The following PPEF2 variants were observed in gnomAD, a reference collection of about 807,000 sequenced individuals.
PPEF2 encodes the protein protein phosphatase with EF-hand domain 2.
In PPEF2, 84 loss-of-function variants were observed where a neutral mutation model predicts 84.7. The observed-to-expected ratio is 0.99, with a 90% CI of 0.83 to 1.19. PPEF2 has a LOEUF of 1.19. PPEF2 is among the 50% of genes most tolerant of loss of function. The probability of loss-of-function intolerance (pLI) is 0.00; values close to 1 mark genes in which losing one functional copy is unlikely to be tolerated. For missense variants in PPEF2, 924 were observed against 937.5 expected (o/e 0.99, Z 0.19); for synonymous variants, 346 against 345.2 (o/e 1.00, Z -0.03).
At position 75,860,539 on chromosome 4, in the gene PPEF2, G is replaced by A. The variant is rs1723970138; in HGVS notation, c.*128C>T. 1 of 1,242,138 alleles carries A rather than the reference G, an allele frequency of 8.1e-7. No individual in the cohort carries two copies. Among genetic ancestry groups the A allele is most frequent in the African/African-American group, 1.5e-5 (1 of 66,704 alleles). The allele number at this position is 1,242,138 out of a possible 1,614,324, so 76.9% of individuals were successfully genotyped here. On this transcript the variant is annotated 3_prime_UTR_variant, in exon 17 of 17. Transcript: ENST00000286719. ...CACCCCTCCACACTGAAATACACAG[G>A]TGATTCTGATGCATATGGATAGGTA...
chr4:75,891,510 G>T lies in PPEF2; in HGVS notation c.241+138C>A, dbSNP rs976735351. 8.8e-6 allele frequency: 8 copies of T among 913,524 alleles called. No homozygotes were observed. In the Admixed American group the frequency reaches 1.3e-4, roughly 14 times the overall value. 56.6% of individuals were successfully genotyped at this position (913,524 alleles called of 1,614,324 possible). A position where few individuals can be genotyped will look rare whatever the true frequency, so the allele number is the denominator to read the frequency against. ...AGAACCTGGCATAAAACCCCAGTCT[G>T]CCATTTACTCCTCAGCCCCTTGCTT... On this transcript the variant is annotated intron_variant, in intron 4 of 16. Coordinates refer to ENST00000286719, the MANE Select transcript of PPEF2 (RefSeq NM_006239.3).
intron 11 of PPEF2, 121 bp from the exon 12 acceptor site, chr4:75,873,433 A>T: frequency 1.1e-6 from 1 of 925,036 alleles, no homozygotes; most frequent in Non-Finnish European, 1.6e-6. Context: ...ATAAATGTCC[A>T]TGCAAGCAAT....
intron 5 of PPEF2, among the ~76,000 whole-genome samples, chr4:75,889,359 G>A (rs1348100607): frequency 6.6e-6 from 1 of 152,200 alleles, no homozygotes; most frequent in Admixed American, 6.5e-5. Context: ...GCCTCCCGAG[G>A]TTCGTGAACA....
intron 10 of PPEF2, among the ~76,000 whole-genome samples, chr4:75,882,487 G>T (rs943446313): frequency 1.3e-5 from 2 of 151,528 alleles, no homozygotes; most frequent in African/African-American, 4.8e-5. Context: ...TGGTAGACAT[G>T]ACTAAGTGAC....
chr4:75,877,740 A>G lies in PPEF2; in HGVS notation c.934-1067T>C, dbSNP rs139616068. 1.0e-3 allele frequency among the ~76,000 whole-genome samples: 159 copies of G among 152,010 alleles called. 1 individual carries two copies. The highest frequency in any genetic ancestry group is 3.8e-3 in the African/African-American group (156 of 41,472). ...GAAGGTTTTTTACATAGGTACACAC[A>G]TGTCACAGGGGGTTGTTTTACATAT... is the stretch of plus-strand genomic sequence containing the variant. On this transcript the variant is annotated intron_variant, in intron 10 of 16. Coordinates refer to ENST00000286719, the MANE Select transcript of PPEF2 (RefSeq NM_006239.3).
intron 2 of PPEF2, among the ~76,000 whole-genome samples, chr4:75,893,974 C>T (rs963335449): frequency 1.3e-5 from 2 of 152,076 alleles, no homozygotes; most frequent in African/African-American, 4.8e-5. Context: ...ATCCTTTATC[C>T]CATCATGTAT....
In PPEF2 at chr4:75,888,288, G is replaced by T. The variant is rs201676899; in HGVS notation, c.458C>A (p.Thr153Asn). The change falls in exon 6 of 17, where the codon ACC (threonine) becomes AAC (asparagine). Residue 153 changes from threonine to asparagine, a missense_variant. By Grantham distance (65) the Thr-to-Asn change is moderately conservative. Transcript: ENST00000286719. The stretch of plus-strand genomic sequence containing the variant: ...TGGCAGCTGTACCAGATGTTTCTTG[G>T]TTTCATACAAAAGGTTCAAGACGTA... ...ARYVLNLLYE[T>N]KKHLVQLPNI... 1 of 1,614,026 alleles carries T rather than the reference G, an allele frequency of 6.2e-7. No individual in the cohort carries two copies. Among genetic ancestry groups the T allele is most frequent in the Non-Finnish European group, 8.5e-7 (1 of 1,179,948 alleles).
At chr4:75,896,564 C>G (rs771949926) in intron 1 of PPEF2, among the ~76,000 whole-genome samples, 181 bp from the exon 2 acceptor site, 25 of 152,204 alleles carry the variant, frequency 1.6e-4, no homozygotes, top group Non-Finnish European at 3.2e-4. Flanking sequence ...CGTTTTCAAC[C>G]TTTCCACTGC....
intron 6 of PPEF2, among the ~76,000 whole-genome samples, chr4:75,887,191 G>A (rs1372902526): frequency 6.6e-6 from 1 of 152,220 alleles, no homozygotes; most frequent in Non-Finnish European, 1.5e-5. Context: ...GAGAACTGGA[G>A]AGATTTTGCC....
intron 16 of PPEF2, among the ~76,000 whole-genome samples, chr4:75,861,766 CT>C (rs1184079734): frequency 7.2e-5 from 10 of 139,644 alleles, no homozygotes; most frequent in Non-Finnish European, 4.6e-5. Flanking sequence ...CCCGCCACCA[CT>C]CCCGGCTAAT....
At chr4:75,887,692 C>G (rs1411261744) in intron 6 of PPEF2, among the ~76,000 whole-genome samples, 1 of 151,870 alleles carries the variant, frequency 6.6e-6, no homozygotes, top group African/African-American at 2.4e-5. Context: ...GCAGGTGACC[C>G]TAGCAGGGCC....
intron 1 of PPEF2, among the ~76,000 whole-genome samples, chr4:75,900,547 C>A (rs1725096437): frequency 6.6e-6 from 1 of 152,140 alleles, no homozygotes; most frequent in South Asian, 2.1e-4. Context: ...GTGATCCCTG[C>A]CTTGGGGCTC....
chr4:75,891,274 T>C (rs1280308745), intron 4 of PPEF2, among the ~76,000 whole-genome samples: 1 of 152,046 alleles, frequency 6.6e-6, no homozygotes, highest in Non-Finnish European at 1.5e-5. Context: ...ACTCCTGGAG[T>C]TGACACAGAA....
chr4:75,866,224 G>C lies in PPEF2; in HGVS notation c.1885C>G (p.Leu629Val), dbSNP rs1412268282. Residue 629 changes from leucine to valine, a missense_variant, in exon 15 of 17, where the codon CTG (leucine) becomes GTG (valine). Transcript: ENST00000286719. Reference sequence around the variant, plus strand: ...AGTTGTTCCTTGGCCAAGTTCTTCAGCCAAGACTTGTACTCCAGCATGTTG... The same window carrying C: ...AGTTGTTCCTTGGCCAAGTTCTTCACCCAAGACTTGTACTCCAGCATGTTG... ...ADNMLEYKSW[L>V]KNLAKEQLSR... 3 of 1,613,878 alleles carry C rather than the reference G, an allele frequency of 1.9e-6. No homozygotes were observed. The African/African-American group carries it at 4.0e-5, about 22-fold the overall frequency.
In PPEF2 at chr4:75,891,833, T is replaced by C; in HGVS notation, c.183+18A>G. ...CAAGGGAGAGCAGGAGGCGGCTCCG[T>C]CCCACATCTCATTGTACCTTGACTT... On this transcript the variant is annotated intron_variant, in intron 3 of 16. Coordinates refer to ENST00000286719, the MANE Select transcript of PPEF2 (RefSeq NM_006239.3). 1.1e-5 allele frequency: 18 copies of C among 1,604,804 alleles called. No homozygotes were observed. Among genetic ancestry groups the C allele is most frequent in the Non-Finnish European group, 1.5e-5 (18 of 1,172,212 alleles).
At chr4:75,879,057 C>T (rs920142869) in intron 10 of PPEF2, among the ~76,000 whole-genome samples, 23 of 152,172 alleles carry the variant, frequency 1.5e-4, no homozygotes, top group African/African-American at 5.3e-4. Flanking sequence ...CTATTAATGA[C>T]TGTTTTCCCC....
At chr4:75,901,546 A>G (rs979101093) in intron 1 of PPEF2, among the ~76,000 whole-genome samples, 4 of 152,016 alleles carry the variant, frequency 2.6e-5, no homozygotes, top group African/African-American at 9.7e-5. Flanking sequence ...AAATGAACAG[A>G]AAGGGGAAGT....
Position 75,873,113 on chromosome 4 carries a change from G to C in PPEF2, c.1506+14C>G. 1 of 1,609,364 alleles carries C rather than the reference G, an allele frequency of 6.2e-7. No individual in the cohort carries two copies. The highest frequency in any genetic ancestry group is 2.2e-5 in the East Asian group (1 of 44,866). On this transcript the variant is annotated intron_variant, in intron 12 of 16. Coordinates refer to ENST00000286719, the MANE Select transcript of PPEF2 (RefSeq NM_006239.3). Reference sequence around the variant, plus strand: ...TGACACACAAGCCTGTACTGCTGCAGAGGGAGCACCCACCTTGCGGTTGTG... The same window carrying C: ...TGACACACAAGCCTGTACTGCTGCACAGGGAGCACCCACCTTGCGGTTGTG...
At position 75,890,150 on chromosome 4, in the gene PPEF2, G is replaced by A; in HGVS notation, c.242-18C>T. ...GAAGTCCCCTAGTCCAGATAGAAAA[G>A]GTGGATCAGCTTATGATCATCTGAT... On this transcript the variant is annotated intron_variant, in intron 4 of 16. Coordinates refer to ENST00000286719, the MANE Select transcript of PPEF2 (RefSeq NM_006239.3). The A allele has an allele frequency of 6.2e-7, 1 of 1,613,204 alleles. No individual in the cohort carries two copies. Among genetic ancestry groups the A allele is most frequent in the South Asian group, 1.1e-5 (1 of 91,002 alleles).
Sources: gnomAD v4.1 joint callset for allele counts (sites outside exome capture counted in the v4.1 genomes callset) on GRCh38, gnomAD v4.1.1 for gene constraint, MANE v1.5 for transcripts, NCBI Gene and HGNC (gene_info 2026-07-23, HGNC 2026-07-21) for gene names.